The following FOXP1 variants were observed in gnomAD, a reference collection of about 807,000 sequenced individuals.
The protein encoded by FOXP1 is forkhead box protein P1.
A neutral mutation model predicts 98.2 loss-of-function variants in FOXP1; 15 were observed. That is an observed-to-expected ratio of 0.15 (90% CI 0.10 to 0.24). The LOEUF is 0.24. FOXP1 is among the 10% of genes least tolerant of loss of function. FOXP1 has a pLI of 1.00. For synonymous variants in FOXP1, 371 were observed against 314.5 expected, an observed-to-expected ratio of 1.18 and a Z score of -1.90; for missense variants, 633 against 848.5, an observed-to-expected ratio of 0.75 and a Z score of 3.15.
chr3:71,385,196 GGA>G (rs1371451181), intron 3 of FOXP1, among the ~76,000 whole-genome samples: 1 of 152,050 alleles, frequency 6.6e-6, no homozygotes, highest in Non-Finnish European at 1.5e-5. Context: ...GATTTGCAAA[GGA>G]GAGACATACC....
At chr3:71,496,636 A>G (rs1025956660) in intron 2 of FOXP1, among the ~76,000 whole-genome samples, 2 of 152,152 alleles carry the variant, frequency 1.3e-5, no homozygotes, top group African/African-American at 4.8e-5. Context: ...ACTGGCCAAC[A>G]TGGTGAAAAT....
chr3:71,487,694 T>A (rs190880139), intron 3 of FOXP1, among the ~76,000 whole-genome samples: 1 of 152,288 alleles, frequency 6.6e-6, no homozygotes, highest in Admixed American at 6.5e-5. Flanking sequence ...AGCCAAAAGG[T>A]TTGATGTTTT....
At chr3:71,281,616 G>C (rs1421475220) in intron 5 of FOXP1, among the ~76,000 whole-genome samples, 1 of 152,226 alleles carries the variant, frequency 6.6e-6, no homozygotes, top group Non-Finnish European at 1.5e-5. Flanking sequence ...TTTTAATGCA[G>C]TCTCTACTTG....
intron 3 of FOXP1, among the ~76,000 whole-genome samples, chr3:71,367,862 G>A (rs1441076995): frequency 6.6e-6 from 1 of 152,104 alleles, no homozygotes; most frequent in Non-Finnish European, 1.5e-5. Flanking sequence ...TTAGTCCTCT[G>A]CAATACCACC....
chr3:71,378,808 C>T (rs2079923750), intron 3 of FOXP1, among the ~76,000 whole-genome samples: 2 of 151,336 alleles, frequency 1.3e-5, no homozygotes, highest in Admixed American at 6.6e-5. Context: ...TAAATCTTAT[C>T]ATATGTATGT....
At chr3:71,339,620 T>TA (rs2076895738) in intron 4 of FOXP1, among the ~76,000 whole-genome samples, 1 of 152,240 alleles carries the variant, frequency 6.6e-6, no homozygotes, top group Admixed American at 6.5e-5. Flanking sequence ...AGTCCCTCAT[T>TA]ACAGCGTTAA....
At chr3:71,470,487 C>A (rs1429545813) in intron 3 of FOXP1, among the ~76,000 whole-genome samples, 2 of 152,288 alleles carry the variant, frequency 1.3e-5, no homozygotes, top group African/African-American at 4.8e-5. Context: ...CGCCTTTAAT[C>A]CCAGCACTTT....
intron 6 of FOXP1, among the ~76,000 whole-genome samples, chr3:71,122,700 G>T (rs996974040): frequency 6.6e-6 from 1 of 152,154 alleles, no homozygotes; most frequent in Admixed American, 6.5e-5. Flanking sequence ...GGAAAGTTTT[G>T]TAAGTCTTGA....
intron 3 of FOXP1, among the ~76,000 whole-genome samples, chr3:71,439,368 G>A (rs1175816574): frequency 6.6e-6 from 1 of 152,214 alleles, no homozygotes; most frequent in Non-Finnish European, 1.5e-5. Flanking sequence ...CTTCAAGAAA[G>A]GGTGGGGAGG....
intron 6 of FOXP1, among the ~76,000 whole-genome samples, chr3:71,191,728 C>T (rs962045162): frequency 1.3e-5 from 2 of 152,188 alleles, no homozygotes; most frequent in African/African-American, 4.8e-5. Context: ...TTTCTAGAAA[C>T]AGCCCCAAAG....
At chr3:71,536,096 C>T (rs1273115399) in intron 2 of FOXP1, among the ~76,000 whole-genome samples, 2 of 152,218 alleles carry the variant, frequency 1.3e-5, no homozygotes, top group Admixed American at 6.5e-5. Context: ...CAAAACACAA[C>T]GAGACACAAG....
chr3:71,007,601 G>A (rs2042965490), intron 12 of FOXP1, among the ~76,000 whole-genome samples: 1 of 152,154 alleles, frequency 6.6e-6, no homozygotes, highest in African/African-American at 2.4e-5. Flanking sequence ...CATGGTGGCT[G>A]TTAAACAAAA....
intron 6 of FOXP1, among the ~76,000 whole-genome samples, chr3:71,152,922 A>G (rs2060641581): frequency 6.6e-6 from 1 of 152,194 alleles, no homozygotes; most frequent in South Asian, 2.1e-4. Context: ...ACGCACTTAC[A>G]GAGTCTTTGC....
At chr3:70,996,064 G>A (rs1450265120) in intron 13 of FOXP1, among the ~76,000 whole-genome samples, 2 of 152,152 alleles carry the variant, frequency 1.3e-5, no homozygotes, top group Non-Finnish European at 2.9e-5. Context: ...TCGGGTCACT[G>A]CAACCTCCAC....
intron 5 of FOXP1, among the ~76,000 whole-genome samples, chr3:71,213,159 T>C (rs901098976): frequency 6.6e-6 from 1 of 152,138 alleles, no homozygotes; most frequent in Admixed American, 6.5e-5. Context: ...AACTCTAATG[T>C]AAAAAGAAAG....
At chr3:71,397,095 T>TACAC (rs2081574105) in intron 3 of FOXP1, among the ~76,000 whole-genome samples, 1 of 123,100 alleles carries the variant, frequency 8.1e-6, no homozygotes, top group East Asian at 2.1e-4. Context: ...TGTATATATA[T>TACAC]ATATACATAT....
rs1306105701 is a variant in FOXP1 at position 71,581,546 on chromosome 3, T to C, written c.-298+3A>G. 1.0e-6 allele frequency: 1 copy of C among 985,228 alleles called. No individual in the cohort carries two copies. The highest frequency in any genetic ancestry group is 6.2e-5 in the Admixed American group (1 of 16,258). The allele number at this position is 985,228 out of a possible 1,614,324, so 61.0% of individuals were successfully genotyped here. A position where few individuals can be genotyped will look rare whatever the true frequency, so the allele number is the denominator to read the frequency against. ...CCCCGCGCCCGCGGCCGCCTCGACT[T>C]ACCCGCGGAGTCCGGGGAGGGAGTA... On this transcript the variant is annotated splice_donor_region_variant and intron_variant, in intron 2 of 20. Coordinates refer to ENST00000649528, the MANE Select transcript of FOXP1 (RefSeq NM_001349338.3).
chr3:71,366,576 A>G (rs1466229959), intron 3 of FOXP1, among the ~76,000 whole-genome samples: 1 of 152,154 alleles, frequency 6.6e-6, no homozygotes, highest in Non-Finnish European at 1.5e-5. Context: ...TATTCTCTAG[A>G]TTTTCCAAAA....
intron 5 of FOXP1, among the ~76,000 whole-genome samples, chr3:71,252,676 G>T (rs1417393704): frequency 6.6e-6 from 1 of 152,164 alleles, no homozygotes; most frequent in Non-Finnish European, 1.5e-5. Context: ...CAGGTACTAT[G>T]ATTTTCCCAG....
Sources: allele counts gnomAD v4.1 joint callset (sites outside exome capture counted in the v4.1 genomes callset), GRCh38; gene constraint gnomAD v4.1.1; transcripts MANE v1.5; gene names NCBI Gene and HGNC (gene_info 2026-07-23, HGNC 2026-07-21).